MDGA2: variants seen among roughly 807,000 people sequenced by gnomAD.
MDGA2 encodes the protein MAM domain containing glycosylphosphatidylinositol anchor 2.
In MDGA2, 40 loss-of-function variants were observed where a neutral mutation model predicts 117.8. The ratio of observed to expected loss-of-function variants is 0.34; its 90% confidence interval spans 0.26 to 0.44. MDGA2 has a LOEUF of 0.44. MDGA2 is among the 20% of genes least tolerant of loss of function. MDGA2 has a pLI of 1.00. For synonymous variants in MDGA2, 452 were observed against 439.0 expected (o/e 1.03, Z -0.37); for missense variants, 1,123 against 1,250.6 (o/e 0.90, Z 1.54).
chr14:47,355,219 T>C (rs113684549), intron 1 of MDGA2, among the ~76,000 whole-genome samples: 71 of 152,210 alleles, frequency 4.7e-4, no homozygotes, highest in African/African-American at 1.6e-3. Context: ...AATACCTTTT[T>C]ACTTAAACCC....
At position 47,131,858 on chromosome 14, in the gene MDGA2, C is replaced by A. The variant is rs763992834; in HGVS notation, c.793-12G>T. The A allele has an allele frequency of 3.2e-6, 5 of 1,546,134 alleles. No individual in the cohort carries two copies. The Admixed American group carries it at 7.1e-5, about 22-fold the overall frequency. ...ATCTTTGTTTCACCCTGAAAATGTA[C>A]ACAAAAAATAAAAGTCATTAGAAAA... On this transcript the variant is annotated splice_polypyrimidine_tract_variant and intron_variant, in intron 4 of 16. Transcript: ENST00000399232.
intron 2 of MDGA2, among the ~76,000 whole-genome samples, chr14:47,282,407 T>C (rs1426787683): frequency 6.6e-6 from 1 of 151,946 alleles, no homozygotes; most frequent in Non-Finnish European, 1.5e-5. Context: ...GGGTAGGGTG[T>C]GGTGGCTCAC....
At chr14:47,498,963 G>A (rs1187149605) in intron 1 of MDGA2, among the ~76,000 whole-genome samples, 1 of 151,968 alleles carries the variant, frequency 6.6e-6, no homozygotes, top group African/African-American at 2.4e-5. Context: ...TCATGTAGCA[G>A]GGAAGTAGTC....
intron 1 of MDGA2, among the ~76,000 whole-genome samples, chr14:47,492,276 C>G (rs868864676): frequency 1.3e-5 from 2 of 152,196 alleles, no homozygotes; most frequent in African/African-American, 4.8e-5. Context: ...GTGTCAACAA[C>G]TAACACAATG....
chr14:47,406,479 G>A (rs1330990951), intron 1 of MDGA2, among the ~76,000 whole-genome samples: 1 of 151,658 alleles, frequency 6.6e-6, no homozygotes, highest in East Asian at 1.9e-4. Flanking sequence ...CGAAATAAAA[G>A]TCTGAGGAGC....
chr14:47,155,119 C>T (rs887087346), intron 3 of MDGA2, among the ~76,000 whole-genome samples: 1 of 152,094 alleles, frequency 6.6e-6, no homozygotes, highest in Non-Finnish European at 1.5e-5. Flanking sequence ...ACCTGAGGGC[C>T]GTACAGATGC....
At chr14:47,647,615 C>T (rs1285793263) in intron 1 of MDGA2, among the ~76,000 whole-genome samples, 1 of 152,096 alleles carries the variant, frequency 6.6e-6, no homozygotes, top group African/African-American at 2.4e-5. Flanking sequence ...TCACATTACC[C>T]ATGTTGATAC....
chr14:47,609,428 C>CATATATAT (rs3040345), intron 1 of MDGA2, among the ~76,000 whole-genome samples: 934 of 17,426 alleles, frequency 0.054, 134 homozygotes, highest in Admixed American at 0.09. Flanking sequence ...AGTATTCCAT[C>CATATATAT]ATATATATAT....
At chr14:47,221,781 T>C (rs1301387301) in intron 2 of MDGA2, among the ~76,000 whole-genome samples, 1 of 149,878 alleles carries the variant, frequency 6.7e-6, no homozygotes, top group Non-Finnish European at 1.5e-5. Context: ...AAAAGAAAAA[T>C]GTATAATTTA....
intron 8 of MDGA2, among the ~76,000 whole-genome samples, chr14:46,977,244 A>T (rs1280175706): frequency 6.6e-6 from 1 of 151,548 alleles, no homozygotes; most frequent in African/African-American, 2.4e-5. Flanking sequence ...CTTTTTTTTT[A>T]AAACACTTTC....
intron 1 of MDGA2, among the ~76,000 whole-genome samples, chr14:47,495,569 C>CT (rs1290266890): frequency 6.6e-6 from 1 of 152,158 alleles, no homozygotes; most frequent in Non-Finnish European, 1.5e-5. Context: ...TATATACCCC[C>CT]TATTTGCCAT....
intron 1 of MDGA2, among the ~76,000 whole-genome samples, chr14:47,654,695 C>G (rs561627983): frequency 6.6e-6 from 1 of 152,084 alleles, no homozygotes; most frequent in African/African-American, 2.4e-5. Context: ...GAATATATCC[C>G]CAACTCTCCT....
intron 8 of MDGA2, among the ~76,000 whole-genome samples, chr14:46,959,861 T>G (rs1885722118): frequency 6.6e-6 from 1 of 152,158 alleles, no homozygotes; most frequent in African/African-American, 2.4e-5. Flanking sequence ...AAGGATAATT[T>G]GTTCCTTTTA....
intron 1 of MDGA2, among the ~76,000 whole-genome samples, chr14:47,540,540 G>GTATATATATATATATA (rs1555330658): frequency 1.3e-5 from 1 of 79,188 alleles, no homozygotes; most frequent in African/African-American, 3.9e-5. Context: ...GTGTGTGTGT[G>GTATATATATATATATA]TATATATATA....
intron 2 of MDGA2, among the ~76,000 whole-genome samples, chr14:47,264,099 A>ATTTAATAAC (rs776765385): frequency 3.9e-5 from 6 of 152,178 alleles, no homozygotes; most frequent in Non-Finnish European, 5.9e-5. Context: ...TTGTGTAATA[A>ATTTAATAAC]TTTAATAACT....
intron 9 of MDGA2, among the ~76,000 whole-genome samples, chr14:46,933,349 A>T (rs991024799): frequency 1.3e-4 from 19 of 151,504 alleles, no homozygotes; most frequent in African/African-American, 2.9e-4. Flanking sequence ...CTTTAAAAAA[A>T]TTTTTTTTTG....
chr14:47,038,385 T>A (rs1470981515), intron 7 of MDGA2, among the ~76,000 whole-genome samples: 3 of 152,186 alleles, frequency 2.0e-5, no homozygotes, highest in Non-Finnish European at 2.9e-5. Flanking sequence ...TTAAACAACT[T>A]ATTACATTAG....
At chr14:47,186,397 TATTA>T (rs774714644) in intron 3 of MDGA2, among the ~76,000 whole-genome samples, 6 of 151,848 alleles carry the variant, frequency 4.0e-5, no homozygotes, top group African/African-American at 2.4e-5. Context: ...GGGCTTGCCC[TATTA>T]AATATCAAAT....
In MDGA2 at chr14:46,865,748, C is replaced by G. The variant is rs547808009; in HGVS notation, c.2752+7685G>C. Among the ~76,000 whole-genome samples, 494 of 152,192 alleles carry G rather than the reference C, an allele frequency of 3.2e-3. 4 individuals carry two copies. The highest frequency in any genetic ancestry group is 0.011 in the African/African-American group (470 of 41,522). ...CACAAGCATTCTTATACACCAATAA[C>G]AGATGAACAGAGAGCCAAATCATGA... On this transcript the variant is annotated intron_variant, in intron 14 of 16. Transcript: ENST00000399232.
Sources: allele counts gnomAD v4.1 joint callset (sites outside exome capture counted in the v4.1 genomes callset), GRCh38; gene constraint gnomAD v4.1.1; transcripts MANE v1.5; gene names NCBI Gene and HGNC (gene_info 2026-07-23, HGNC 2026-07-21).